The following C5orf47 variants were observed in gnomAD, a reference collection of about 807,000 sequenced individuals.
C5orf47 encodes the protein uncharacterized protein C5orf47.
A neutral mutation model predicts 20.6 loss-of-function variants in C5orf47; 20 were observed. The observed-to-expected ratio is 0.97, with a 90% CI of 0.68 to 1.41. C5orf47 has a LOEUF of 1.41. Ranked by LOEUF, C5orf47 falls within the 40% of genes most tolerant of loss-of-function variation. The probability of loss-of-function intolerance (pLI) is 0.00; values close to 1 mark genes in which losing one functional copy is unlikely to be tolerated. For synonymous variants in C5orf47, 106 were observed against 97.3 expected (o/e 1.09, Z -0.53); for missense variants, 262 against 238.4 (o/e 1.10, Z -0.65).
intron 3 of C5orf47, among the ~76,000 whole-genome samples, chr5:174,000,062 A>T (rs1484816175): frequency 6.6e-6 from 1 of 152,072 alleles, no homozygotes; most frequent in Admixed American, 6.6e-5. Flanking sequence ...GAGCAAAGGG[A>T]ACATACTTTT....
chr5:174,006,166 C>T (rs1481296194), downstream of C5orf47: 1 of 152,356 alleles, frequency 6.6e-6, no homozygotes, highest in Non-Finnish European at 1.5e-5. Flanking sequence ...CTCTTCATCT[C>T]CAGCCCAAAG....
chr5:173,998,270 T>A (rs1026608063), intron 2 of C5orf47, 32 bp downstream of exon 2: 1 of 1,207,142 alleles, frequency 8.3e-7, no homozygotes, highest in African/African-American at 1.5e-5. Flanking sequence ...TGAGCAATAT[T>A]TGAATTTTAG....
rs931971268 is a variant in C5orf47, at chr5:174,004,570, G to A, written c.*316G>A. ...ATTAAATTAGCATATCAATGCAATT[G>A]CATGAATTTTATAATTACCAGCTTT... On this transcript the variant is annotated 3_prime_UTR_variant, in exon 5 of 5. Coordinates refer to ENST00000340147, the MANE Select transcript of C5orf47 (RefSeq NM_001144954.2). 6.6e-6 allele frequency: 1 copy of A among 152,168 alleles called. No homozygotes were observed. The highest frequency in any genetic ancestry group is 1.5e-5 in the Non-Finnish European group (1 of 67,980). 9.4% of individuals were successfully genotyped at this position (152,168 alleles called of 1,614,324 possible). A position where few individuals can be genotyped will look rare whatever the true frequency, so the allele number is the denominator to read the frequency against.
chr5:173,998,996 C>T (rs1056162018), intron 2 of C5orf47, among the ~76,000 whole-genome samples: 4 of 152,124 alleles, frequency 2.6e-5, no homozygotes, highest in African/African-American at 9.7e-5. Context: ...AGAACCAGTT[C>T]CTTTTAGGTG....
downstream of C5orf47, among the ~76,000 whole-genome samples, chr5:174,007,580 C>T (rs114395509): frequency 6.6e-3 from 851 of 128,198 alleles, 6 homozygotes; most frequent in African/African-American, 0.027. Flanking sequence ...TTTTTTGAGA[C>T]GGAGTCTCGC....
At position 174,001,194 on chromosome 5, in the gene C5orf47, AGGC is replaced by A. The variant is rs767375188; in HGVS notation, c.512-1_513del. On this transcript the variant is annotated splice_acceptor_variant and coding_sequence_variant, in exon 4 of 5. Coordinates refer to ENST00000340147, the MANE Select transcript of C5orf47 (RefSeq NM_001144954.2). LOFTEE classifies it high-confidence loss of function. ...TTTCCTTATTTTTTATGTTGTTTGC[AGGC>A]TCAAATTACACAAGATGAATCTTCT... is the stretch of plus-strand genomic sequence containing the variant. 3 of 1,518,254 alleles carry A rather than the reference AGGC, an allele frequency of 2.0e-6. No homozygotes were observed. Among genetic ancestry groups the A allele is most frequent in the Non-Finnish European group, 2.7e-6 (3 of 1,120,324 alleles). 94.0% of individuals were successfully genotyped at this position (1,518,254 alleles called of 1,614,324 possible).
intron 1 of C5orf47, among the ~76,000 whole-genome samples, chr5:173,994,224 G>A (rs1759049479): frequency 6.6e-6 from 1 of 152,204 alleles, no homozygotes; most frequent in Non-Finnish European, 1.5e-5. Flanking sequence ...GGCTGCAGGC[G>A]TTGCAGTTTT....
chr5:174,005,043 AT>A lies in C5orf47; in HGVS notation c.*790del, dbSNP rs1412833154. 1 of 152,124 alleles carries A rather than the reference AT, an allele frequency of 6.6e-6. No homozygotes were observed. The highest frequency in any genetic ancestry group is 1.5e-5 in the Non-Finnish European group (1 of 68,010). 9.4% of individuals were successfully genotyped at this position (152,124 alleles called of 1,614,324 possible). On this transcript the variant is annotated 3_prime_UTR_variant, in exon 5 of 5. Transcript: ENST00000340147. ...TTTTTCTACTCAACATTAAGTAGTA[AT>A]CAACTTTTACCTCCGCCAGTTTTTC... is the stretch of plus-strand genomic sequence containing the variant.
At chr5:173,993,710 C>G (rs917666870) in intron 1 of C5orf47, among the ~76,000 whole-genome samples, 7 of 151,944 alleles carry the variant, frequency 4.6e-5, no homozygotes, top group Non-Finnish European at 1.0e-4. Context: ...GGGAGATTGA[C>G]TTAGAGGCAG....
In C5orf47 at chr5:173,999,028, A is replaced by G. The variant is rs371695888; in HGVS notation, c.412-672A>G. 3.2e-3 allele frequency among the ~76,000 whole-genome samples: 483 copies of G among 152,324 alleles called. 3 individuals are homozygous for G. The highest frequency in any genetic ancestry group is 0.011 in the African/African-American group (449 of 41,582). ...GGTGAGGAGAAAAGAGCAATAATCA[A>G]TACTTCCTTTTAATTACTGTGTGCC... On this transcript the variant is annotated intron_variant, in intron 2 of 4. Transcript: ENST00000340147.
At chr5:174,002,071 A>G (rs1759209094) in intron 4 of C5orf47, among the ~76,000 whole-genome samples, 2 of 151,418 alleles carry the variant, frequency 1.3e-5, no homozygotes, top group Admixed American at 1.3e-4. Context: ...CTCCCACTTC[A>G]GCATTCCCTC....
chr5:173,999,115 A>C (rs1177225321), intron 2 of C5orf47, among the ~76,000 whole-genome samples: 1 of 152,142 alleles, frequency 6.6e-6, no homozygotes, highest in Non-Finnish European at 1.5e-5. Context: ...CTTATAATCC[A>C]ATGTATGAAG....
chr5:173,991,978 A>G (rs1298535128), intron 1 of C5orf47, among the ~76,000 whole-genome samples: 2 of 152,168 alleles, frequency 1.3e-5, no homozygotes, highest in African/African-American at 2.4e-5. Context: ...TATGTTTTCT[A>G]TGGAGATTGA....
chr5:173,989,233 G>C lies in C5orf47; in HGVS notation c.-31G>C. 7.3e-7 allele frequency: 1 copy of C among 1,368,468 alleles called. No individual in the cohort carries two copies. Among genetic ancestry groups the C allele is most frequent in the Non-Finnish European group, 9.4e-7 (1 of 1,061,194 alleles). 84.8% of individuals were successfully genotyped at this position (1,368,468 alleles called of 1,614,324 possible). A position where few individuals can be genotyped will look rare whatever the true frequency, so the allele number is the denominator to read the frequency against. On this transcript the variant is annotated 5_prime_UTR_variant, in exon 1 of 5. Coordinates refer to ENST00000340147, the MANE Select transcript of C5orf47 (RefSeq NM_001144954.2). ...TGGCGCCTGTGGCGTCGTGTTTGCT[G>C]AGGGCCCGGCTGCCGTTGACTGAGG...
Position 174,001,786 on chromosome 5 carries a change from T to C in C5orf47, c.*16+555T>C, listed in dbSNP as rs76362570. ...CTTTACATATTCACTCTGAGATAAC[T>C]CACAGATTTTTATAGCTTCAACTAC... On this transcript the variant is annotated intron_variant, in intron 4 of 4. Coordinates refer to ENST00000340147, the MANE Select transcript of C5orf47 (RefSeq NM_001144954.2). 5.2e-3 allele frequency among the ~76,000 whole-genome samples: 785 copies of C among 152,112 alleles called. 12 individuals carry two copies. The highest frequency in any genetic ancestry group is 0.018 in the African/African-American group (756 of 41,494).
At position 173,989,336 on chromosome 5, in the gene C5orf47, C is replaced by T. The variant is rs1258489397; in HGVS notation, c.73C>T (p.Gln25Ter). The T allele has an allele frequency of 9.0e-6, 13 of 1,450,204 alleles. No homozygotes were observed. Among genetic ancestry groups the T allele is most frequent in the African/African-American group, 2.9e-5 (2 of 67,952 alleles). The allele number at this position is 1,450,204 out of a possible 1,614,324, so 89.8% of individuals were successfully genotyped here. ...FVYVTRFGSHQCSGVLQLGGR... is the reference protein window; with the variant it reads ...FVYVTRFGSH ...CTATGTGACGCGCTTCGGCTCGCATCAGTGCAGTGGCGTCCTGCAACTGGG... is the reference window on the plus strand; with the variant it reads ...CTATGTGACGCGCTTCGGCTCGCATTAGTGCAGTGGCGTCCTGCAACTGGG... Residue 25 changes from glutamine to a stop codon, truncating the protein, a stop_gained, in exon 1 of 5, where the codon CAG becomes TAG. Transcript: ENST00000340147. LOFTEE classifies it high-confidence loss of function.
chr5:174,002,541 T>C (rs1381212183), intron 4 of C5orf47, among the ~76,000 whole-genome samples: 1 of 152,144 alleles, frequency 6.6e-6, no homozygotes, highest in Non-Finnish European at 1.5e-5. Context: ...TCCAGTATAT[T>C]GTTTACTAAG....
chr5:173,990,150 G>A (rs952146628), intron 1 of C5orf47, among the ~76,000 whole-genome samples: 14 of 149,416 alleles, frequency 9.4e-5, no homozygotes, highest in Admixed American at 1.3e-4. Flanking sequence ...TTTTGAGACG[G>A]GGTATTGCTG....
At chr5:174,006,369 T>G (rs1280415608), downstream of C5orf47, among the ~76,000 whole-genome samples, 1 of 152,198 alleles carries the variant, frequency 6.6e-6, no homozygotes, top group Non-Finnish European at 1.5e-5. Context: ...TTCTAGTGGT[T>G]TTAATGAAAA....
Sources: gnomAD v4.1 joint callset for allele counts (sites outside exome capture counted in the v4.1 genomes callset) on GRCh38, gnomAD v4.1.1 for gene constraint, MANE v1.5 for transcripts, NCBI Gene and HGNC (gene_info 2026-07-23, HGNC 2026-07-21) for gene names.